The following WDSUB1 variants were observed in gnomAD, a reference collection of about 807,000 sequenced individuals.
WDSUB1 encodes the protein WD repeat, sterile alpha motif and U-box domain containing 1, also known as WD repeat, SAM and U-box domain-containing protein 1.
WDSUB1 carries 49 observed loss-of-function variants against 53.9 expected under a neutral mutation model. That is an observed-to-expected ratio of 0.91 (90% CI 0.72 to 1.15). The LOEUF (loss-of-function observed/expected upper bound fraction) is 1.15. Ranked by LOEUF, WDSUB1 falls within the 50% of genes most tolerant of loss-of-function variation. The pLI, the probability that WDSUB1 is intolerant of heterozygous loss-of-function variation, is 0.00. For missense variants in WDSUB1, 514 were observed against 562.0 expected (o/e 0.91, Z 0.86); for synonymous variants, 194 against 200.6 (o/e 0.97, Z 0.28).
intron 3 of WDSUB1, among the ~76,000 whole-genome samples, chr2:159,278,130 A>G (rs1273541938): frequency 6.6e-6 from 1 of 152,192 alleles, no homozygotes; most frequent in Non-Finnish European, 1.5e-5. Context: ...ATCTCTCCAC[A>G]CTTATATAAT....
intron 10 of WDSUB1, among the ~76,000 whole-genome samples, chr2:159,244,876 GTTAAGA>G (rs1248058057): frequency 2.6e-5 from 4 of 152,218 alleles, no homozygotes; most frequent in Admixed American, 2.0e-4. Context: ...ACTGCAGTGA[GTTAAGA>G]TTGTGCCACT....
At chr2:159,236,935 A>T (rs1428466127) in intron 10 of WDSUB1, among the ~76,000 whole-genome samples, 1 of 152,102 alleles carries the variant, frequency 6.6e-6, no homozygotes, top group Non-Finnish European at 1.5e-5. Context: ...AGGTTTTTTT[A>T]AAACCATATT....
At chr2:159,246,963 G>T (rs900174079) in intron 10 of WDSUB1, among the ~76,000 whole-genome samples, 3 of 151,864 alleles carry the variant, frequency 2.0e-5, no homozygotes, top group Admixed American at 6.6e-5. Context: ...GTCACGTGTG[G>T]TTTTTTTTGT....
chr2:159,278,179 G>A (rs2061582397), intron 3 of WDSUB1, among the ~76,000 whole-genome samples: 1 of 152,132 alleles, frequency 6.6e-6, no homozygotes, highest in Non-Finnish European at 1.5e-5. Flanking sequence ...TGTAGAGAAG[G>A]TCCCACAGAA....
intron 2 of WDSUB1, among the ~76,000 whole-genome samples, chr2:159,281,880 G>C (rs1392378474): frequency 6.6e-6 from 1 of 152,146 alleles, no homozygotes; most frequent in East Asian, 1.9e-4. Context: ...GGGAGGCCGA[G>C]GCAGGAGAAT....
chr2:159,247,902 T>TAA (rs1559531865), intron 10 of WDSUB1, among the ~76,000 whole-genome samples: 4 of 18,556 alleles, frequency 2.2e-4, no homozygotes, highest in South Asian at 2.3e-3. Context: ...TATATATATA[T>TAA]ATATATAAAT....
intron 10 of WDSUB1, among the ~76,000 whole-genome samples, chr2:159,239,507 G>T (rs1479830021): frequency 6.9e-5 from 9 of 129,822 alleles, no homozygotes; most frequent in African/African-American, 1.2e-4. Context: ...TTTTTTTGGT[G>T]GGGGGGCAAG....
At chr2:159,285,831 A>C (rs143427767) in intron 1 of WDSUB1, among the ~76,000 whole-genome samples, 123 of 152,276 alleles carry the variant, frequency 8.1e-4, no homozygotes, top group African/African-American at 2.7e-3. Flanking sequence ...CCAAACACGA[A>C]AATTTCTGGT....
At chr2:159,270,976 G>GAAAAC (rs1276380142) in intron 5 of WDSUB1, among the ~76,000 whole-genome samples, 1 of 152,138 alleles carries the variant, frequency 6.6e-6, no homozygotes. Context: ...TTCTGAAAAG[G>GAAAAC]TTCCAACCAC....
intron 8 of WDSUB1, among the ~76,000 whole-genome samples, chr2:159,257,343 T>C (rs2061085675): frequency 6.6e-6 from 1 of 151,862 alleles, no homozygotes; most frequent in East Asian, 1.9e-4. Flanking sequence ...GTATACTTTA[T>C]ATTGATAAAA....
chr2:159,263,995 C>T lies in WDSUB1; in HGVS notation c.771-4152G>A, dbSNP rs535765413. Among the ~76,000 whole-genome samples, 19 of 152,264 alleles carry T rather than the reference C, an allele frequency of 1.2e-4. No homozygotes were observed. The South Asian group carries it at 3.7e-3, about 30-fold the overall frequency. On this transcript the variant is annotated intron_variant, in intron 5 of 10. Coordinates refer to ENST00000359774, the MANE Select transcript of WDSUB1 (RefSeq NM_001128212.3). ...CAGAACATGAAGCTGGGAGAAGACACGGAACCAGAACTTGTTCAAGGTCCT... is the reference window on the plus strand; with the variant it reads ...CAGAACATGAAGCTGGGAGAAGACATGGAACCAGAACTTGTTCAAGGTCCT...
At chr2:159,236,510 G>A (rs1370367429) in intron 10 of WDSUB1, among the ~76,000 whole-genome samples, 1 of 152,174 alleles carries the variant, frequency 6.6e-6, no homozygotes, top group Non-Finnish European at 1.5e-5. Flanking sequence ...GAGTGGGAGT[G>A]AGGATAAACT....
intron 10 of WDSUB1, among the ~76,000 whole-genome samples, chr2:159,243,315 T>C (rs1277075973): frequency 6.8e-6 from 1 of 147,486 alleles, no homozygotes; most frequent in Non-Finnish European, 1.5e-5. Context: ...CGGAAGACAG[T>C]AGGGAGATCA....
At chr2:159,255,645 T>C (rs1204627604) in intron 9 of WDSUB1, among the ~76,000 whole-genome samples, 1 of 152,178 alleles carries the variant, frequency 6.6e-6, no homozygotes, top group Non-Finnish European at 1.5e-5. Flanking sequence ...ATGTTTACTA[T>C]GTAAGGAAAG....
chr2:159,255,591 A>G (rs1368101807), intron 9 of WDSUB1, among the ~76,000 whole-genome samples: 2 of 152,184 alleles, frequency 1.3e-5, no homozygotes, highest in Non-Finnish European at 2.9e-5. Context: ...TTAACTCCTT[A>G]AAAGGCCATA....
chr2:159,253,889 C>T (rs1193497709), intron 9 of WDSUB1, among the ~76,000 whole-genome samples: 1 of 152,096 alleles, frequency 6.6e-6, no homozygotes, highest in Non-Finnish European at 1.5e-5. Context: ...GCCACTTGAT[C>T]CTTTATAATG....
chr2:159,256,345 A>G lies in WDSUB1; in HGVS notation c.983T>C (p.Phe328Ser), dbSNP rs78460202. 1,434 of 1,611,574 alleles carry G rather than the reference A, an allele frequency of 8.9e-4. 24 individuals are homozygous for G. In the East Asian group the frequency reaches 0.031, roughly 34 times the overall value. Residue 328 changes from phenylalanine (F) to serine (S), a missense_variant, in exon 9 of 11, where the codon TTT (phenylalanine) becomes TCT (serine). Physicochemically the swap from Phe to Ser is radical, Grantham distance 155. Transcript: ENST00000359774. ...ATCCTCCTCTGACCAATCTTCGGTA[A>G]ATTGCTTCAGCTGATGTTCTGTGCG... The part of the protein sequence containing the change: ...ARRTEHQLKQ[F>S]TEDWSEEDVS...
intron 9 of WDSUB1, among the ~76,000 whole-genome samples, chr2:159,252,600 G>C (rs570310783): frequency 9.7e-4 from 148 of 152,286 alleles, no homozygotes; most frequent in African/African-American, 3.4e-3. Flanking sequence ...AACTAGATTT[G>C]AACAGCCTAT....
intron 4 of WDSUB1, among the ~76,000 whole-genome samples, chr2:159,273,818 C>T (rs574953857): frequency 6.5e-4 from 99 of 152,306 alleles, no homozygotes; most frequent in African/African-American, 2.3e-3. Context: ...AAAGGCTTTA[C>T]TTTTGAACAA....
Sources: gnomAD v4.1 joint callset for allele counts (sites outside exome capture counted in the v4.1 genomes callset) on GRCh38, gnomAD v4.1.1 for gene constraint, MANE v1.5 for transcripts, NCBI Gene and HGNC (gene_info 2026-07-23, HGNC 2026-07-21) for gene names.